ACSS3: variants seen among roughly 807,000 people sequenced by gnomAD.
ACSS3 encodes acyl-CoA synthetase short chain family member 3, also known as acyl-CoA synthetase short-chain family member 3, mitochondrial.
Under a neutral mutation model 84.2 loss-of-function variants are expected in ACSS3, and 64 were observed. The ratio of observed to expected loss-of-function variants is 0.76; its 90% confidence interval spans 0.62 to 0.94. The LOEUF (loss-of-function observed/expected upper bound fraction) is 0.94, where lower values mean the gene tolerates loss of function less well. Ranked by LOEUF, ACSS3 falls within the 40% of genes least tolerant of loss-of-function variation. ACSS3 has a pLI of 0.00. For synonymous variants in ACSS3, 317 were observed against 310.1 expected (o/e 1.02, Z -0.23); for missense variants, 815 against 867.6 (o/e 0.94, Z 0.76).
chr12:81,084,573 G>A (rs1269847367), intron 1 of ACSS3, among the ~76,000 whole-genome samples: 1 of 152,004 alleles, frequency 6.6e-6, no homozygotes, highest in Non-Finnish European at 1.5e-5. Flanking sequence ...TCTTAAAGAG[G>A]TGAGAGGTAG....
At chr12:81,077,900 G>A, upstream of ACSS3, 1 of 492,352 alleles carries the variant, frequency 2.0e-6, no homozygotes, top group South Asian at 4.0e-5. Context: ...CTGCTGCAAC[G>A]GCGCTGTGAC....
intron 8 of ACSS3, among the ~76,000 whole-genome samples, chr12:81,188,647 T>C (rs1041484993): frequency 2.0e-5 from 3 of 152,140 alleles, no homozygotes; most frequent in Non-Finnish European, 4.4e-5. Flanking sequence ...CTGGCTTCTT[T>C]CATTTACTTA....
At chr12:81,083,757 G>A (rs557329562) in intron 1 of ACSS3, among the ~76,000 whole-genome samples, 17 of 152,066 alleles carry the variant, frequency 1.1e-4, no homozygotes, top group Non-Finnish European at 1.9e-4. Flanking sequence ...AGATGACGAC[G>A]TCAGGAGATC....
chr12:81,236,776 G>A (rs745799805), intron 13 of ACSS3, among the ~76,000 whole-genome samples: 2 of 150,800 alleles, frequency 1.3e-5, no homozygotes, highest in Admixed American at 6.6e-5. Flanking sequence ...TTGTGAGAAC[G>A]TCTATGATTC....
chr12:81,247,933 A>G lies in ACSS3; in HGVS notation c.1720-5374A>G, dbSNP rs866107482. On this transcript the variant is annotated intron_variant, in intron 13 of 15. Coordinates refer to ENST00000548058, the MANE Select transcript of ACSS3 (RefSeq NM_024560.4). The stretch of plus-strand genomic sequence containing the variant: ...ATGAAAGTTTTATTTGTAGAAAAAA[A>G]TAGACTGAATATTGTTTTTAAGTAC... Among the ~76,000 whole-genome samples, 16 of 152,202 alleles carry G rather than the reference A, an allele frequency of 1.1e-4. 1 individual carries two copies. The Middle Eastern group carries it at 0.024, about 226-fold the overall frequency.
At chr12:81,104,255 G>A (rs766980432) in intron 1 of ACSS3, among the ~76,000 whole-genome samples, 2 of 151,870 alleles carry the variant, frequency 1.3e-5, no homozygotes, top group African/African-American at 2.4e-5. Flanking sequence ...GCTAGCAACC[G>A]AGAAGCACCA....
chr12:81,092,831 A>G (rs1881757055), intron 1 of ACSS3, among the ~76,000 whole-genome samples: 1 of 152,212 alleles, frequency 6.6e-6, no homozygotes, highest in Non-Finnish European at 1.5e-5. Context: ...ATTGACAAAA[A>G]TATAATAAAG....
chr12:81,118,467 G>A (rs1884249989), intron 2 of ACSS3, among the ~76,000 whole-genome samples: 1 of 152,150 alleles, frequency 6.6e-6, no homozygotes, highest in Admixed American at 6.5e-5. Context: ...TATCCACACA[G>A]AGAAATGTCA....
intron 12 of ACSS3, among the ~76,000 whole-genome samples, chr12:81,232,421 G>A (rs569071933): frequency 2.6e-5 from 4 of 151,888 alleles, no homozygotes; most frequent in Middle Eastern, 3.4e-3. Context: ...CTTCCCGTGA[G>A]TTCAAATAAG....
chr12:81,137,732 T>C (rs1885884164), intron 3 of ACSS3, among the ~76,000 whole-genome samples: 1 of 152,182 alleles, frequency 6.6e-6, no homozygotes, highest in Admixed American at 6.5e-5. Flanking sequence ...ATGCTCCTAA[T>C]TTGATATGTA....
At position 81,252,364 on chromosome 12, in the gene ACSS3, C is replaced by A. The variant is rs1046797117; in HGVS notation, c.1720-943C>A. 2.6e-5 allele frequency among the ~76,000 whole-genome samples: 4 copies of A among 152,042 alleles called. No individual in the cohort carries two copies. The East Asian group carries it at 7.7e-4, about 29-fold the overall frequency. On this transcript the variant is annotated intron_variant, in intron 13 of 15. Transcript: ENST00000548058. ...TGAAGCAATACGCTATTTTTGATCA[C>A]CCCTGAACCCAGCGAATGTTTGCAA...
chr12:81,221,862 T>A (rs754342835), intron 11 of ACSS3, among the ~76,000 whole-genome samples: 1 of 152,076 alleles, frequency 6.6e-6, no homozygotes, highest in Non-Finnish European at 1.5e-5. Context: ...CAGCATACAT[T>A]TTTATGTAAC....
intron 1 of ACSS3, among the ~76,000 whole-genome samples, chr12:81,097,263 G>C (rs906154173): frequency 6.6e-6 from 1 of 152,106 alleles, no homozygotes; most frequent in Non-Finnish European, 1.5e-5. Flanking sequence ...GGCTTTGCAG[G>C]CCAGACCAGT....
intron 7 of ACSS3, among the ~76,000 whole-genome samples, chr12:81,159,613 T>G (rs1187297006): frequency 2.0e-5 from 3 of 152,218 alleles, no homozygotes; most frequent in African/African-American, 4.8e-5. Context: ...AGAAATCTAC[T>G]TCATTAATAG....
chr12:81,171,260 C>G lies in ACSS3; in HGVS notation c.1099-3528C>G, dbSNP rs1429063130. Among the ~76,000 whole-genome samples, 3 of 152,002 alleles carry G rather than the reference C, an allele frequency of 2.0e-5. No individual in the cohort carries two copies. In the East Asian group the frequency reaches 5.8e-4, roughly 29 times the overall value. Reference sequence around the variant, plus strand: ...TAAACAACAGTTTCTGATGAAAGATCTTGTTCTATGCTGCATTATATTACC... The same window carrying G: ...TAAACAACAGTTTCTGATGAAAGATGTTGTTCTATGCTGCATTATATTACC... On this transcript the variant is annotated intron_variant, in intron 7 of 15. Transcript: ENST00000548058.
intron 1 of ACSS3, among the ~76,000 whole-genome samples, chr12:81,106,749 AGTG>A (rs532422463): frequency 6.6e-6 from 1 of 152,218 alleles, no homozygotes; most frequent in Non-Finnish European, 1.5e-5. Flanking sequence ...AGATGGCTTG[AGTG>A]AATGGGGTCA....
At chr12:81,091,713 G>A (rs936538482) in intron 1 of ACSS3, among the ~76,000 whole-genome samples, 14 of 151,990 alleles carry the variant, frequency 9.2e-5, no homozygotes, top group African/African-American at 2.4e-4. Context: ...GATGGAAATC[G>A]TATAATACCA....
intron 2 of ACSS3, among the ~76,000 whole-genome samples, chr12:81,131,736 C>T (rs1248591745): frequency 6.6e-6 from 1 of 152,084 alleles, no homozygotes; most frequent in Non-Finnish European, 1.5e-5. Flanking sequence ...CAGTTTTTGG[C>T]CATTCGGTAT....
intron 11 of ACSS3, among the ~76,000 whole-genome samples, chr12:81,229,773 CCT>C (rs2033392227): frequency 6.6e-6 from 1 of 151,850 alleles, no homozygotes; most frequent in African/African-American, 2.4e-5. Flanking sequence ...TAGTATATTT[CCT>C]CTGTCTTAAA....
Sources: gnomAD v4.1 joint callset for allele counts (sites outside exome capture counted in the v4.1 genomes callset) on GRCh38, gnomAD v4.1.1 for gene constraint, MANE v1.5 for transcripts, NCBI Gene and HGNC (gene_info 2026-07-23, HGNC 2026-07-21) for gene names.